Variants in RNF150 observed in about 807,000 individuals in gnomAD.
RNF150 encodes ring finger protein 150.
A neutral mutation model predicts 39.3 loss-of-function variants in RNF150; 24 were observed. The ratio of observed to expected loss-of-function variants is 0.61; its 90% CI spans 0.44 to 0.86. The LOEUF is 0.86. RNF150 is among the 40% of genes least tolerant of loss of function. RNF150 has a pLI of 0.00. For synonymous variants in RNF150, 255 were observed against 227.3 expected (o/e 1.12, Z -1.10); for missense variants, 502 against 587.8 (o/e 0.85, Z 1.51).
At chr4:141,095,202 C>T (rs369635416) in intron 1 of RNF150, among the ~76,000 whole-genome samples, 5 of 152,158 alleles carry the variant, frequency 3.3e-5, no homozygotes, top group South Asian at 2.1e-4. Flanking sequence ...TGTTGGAGGC[C>T]AAATGTGGGC....
At chr4:140,974,871 A>T (rs2111441925) in intron 1 of RNF150, among the ~76,000 whole-genome samples, 1 of 152,200 alleles carries the variant, frequency 6.6e-6, no homozygotes, top group South Asian at 2.1e-4. Context: ...CTTCATCAAC[A>T]CAGGCTTGAA....
intron 5 of RNF150, among the ~76,000 whole-genome samples, chr4:140,915,745 C>A (rs1334573052): frequency 6.6e-6 from 1 of 152,176 alleles, no homozygotes; most frequent in Non-Finnish European, 1.5e-5. Flanking sequence ...GGCAGACTGC[C>A]TCCTCAAGTG....
At chr4:140,977,323 G>A (rs1285705241) in intron 1 of RNF150, among the ~76,000 whole-genome samples, 1 of 152,102 alleles carries the variant, frequency 6.6e-6, no homozygotes, top group East Asian at 1.9e-4. Context: ...TACTGCTCAG[G>A]TAGGGGCAGG....
intron 1 of RNF150, among the ~76,000 whole-genome samples, chr4:141,050,779 T>C (rs1227397298): frequency 6.6e-6 from 1 of 152,178 alleles, no homozygotes; most frequent in Admixed American, 6.5e-5. Flanking sequence ...GTTGAGTGTT[T>C]ATGGCTTTTC....
intron 1 of RNF150, among the ~76,000 whole-genome samples, chr4:141,055,046 G>T (rs1250586280): frequency 6.6e-6 from 1 of 152,112 alleles, no homozygotes. Context: ...TTTGGCTATA[G>T]TTTTTAGCTC....
rs559312028 is a variant in RNF150 at position 140,882,180 on chromosome 4, C to T, written c.1199-13801G>A. Among the ~76,000 whole-genome samples, 12 of 152,086 alleles carry T rather than the reference C, an allele frequency of 7.9e-5. No homozygotes were observed. The South Asian group carries it at 8.3e-4, about 11-fold the overall frequency. ...GACTACAGGCACCCGCCACTACGCC[C>T]GGCTAATTTTTTGTATTTTTAGTAG... On this transcript the variant is annotated intron_variant, in intron 6 of 6. Coordinates refer to ENST00000515673, the MANE Select transcript of RNF150 (RefSeq NM_020724.2).
At chr4:140,869,753 C>T (rs184426630) in intron 6 of RNF150, among the ~76,000 whole-genome samples, 88 of 152,220 alleles carry the variant, frequency 5.8e-4, no homozygotes, top group African/African-American at 2.0e-3. Flanking sequence ...ATCCTTTAAG[C>T]AACAGCATGT....
At position 140,994,316 on chromosome 4, in the gene RNF150, G is replaced by T. The variant is rs1335295441; in HGVS notation, c.485-26443C>A. ...GTTACTAGTTTGTCTTGAAGGCAAAGGCCCAAAGGATATGACAGAAGGGGT... is the reference window on the plus strand; with the variant it reads ...GTTACTAGTTTGTCTTGAAGGCAAATGCCCAAAGGATATGACAGAAGGGGT... On this transcript the variant is annotated intron_variant, in intron 1 of 6. Transcript: ENST00000515673. Among the ~76,000 whole-genome samples, 3 of 152,220 alleles carry T rather than the reference G, an allele frequency of 2.0e-5. No homozygotes were observed. In the South Asian group the frequency reaches 6.2e-4, roughly 32 times the overall value.
intron 1 of RNF150, among the ~76,000 whole-genome samples, chr4:141,017,547 T>C (rs530326212): frequency 5.9e-5 from 9 of 152,328 alleles, no homozygotes; most frequent in African/African-American, 2.2e-4. Flanking sequence ...GGTTCACTTC[T>C]GGTGTACATT....
chr4:140,976,450 C>G (rs182197612), intron 1 of RNF150, among the ~76,000 whole-genome samples: 2 of 152,034 alleles, frequency 1.3e-5, no homozygotes, highest in South Asian at 2.1e-4. Flanking sequence ...TCGAGCCTGT[C>G]CATTGCTTGC....
chr4:141,193,303 G>T (rs1355359779), intron 1 of RNF150, among the ~76,000 whole-genome samples: 1 of 152,220 alleles, frequency 6.6e-6, no homozygotes, highest in Non-Finnish European at 1.5e-5. Flanking sequence ...TGGTCCAGTT[G>T]ATTTGCTTTC....
At chr4:141,024,989 G>A (rs1216979421) in intron 1 of RNF150, among the ~76,000 whole-genome samples, 1 of 152,122 alleles carries the variant, frequency 6.6e-6, no homozygotes, top group Non-Finnish European at 1.5e-5. Flanking sequence ...ATGCACCAGA[G>A]AAGAAAAATA....
chr4:140,893,721 G>T (rs1560951648), intron 6 of RNF150, among the ~76,000 whole-genome samples: 1 of 152,168 alleles, frequency 6.6e-6, no homozygotes, highest in Non-Finnish European at 1.5e-5. Flanking sequence ...TCTGGCGGGG[G>T]CTTGTGAAGC....
intron 1 of RNF150, among the ~76,000 whole-genome samples, chr4:141,019,018 A>C (rs1735381462): frequency 6.8e-6 from 1 of 146,070 alleles, no homozygotes; most frequent in African/African-American, 2.5e-5. Flanking sequence ...TTTGAAGGCA[A>C]TCTTACTGCA....
At chr4:141,163,609 C>T (rs780050958) in intron 1 of RNF150, among the ~76,000 whole-genome samples, 15 of 152,208 alleles carry the variant, frequency 9.9e-5, no homozygotes, top group African/African-American at 1.4e-4. Context: ...GAGGAAGGAG[C>T]AGGCAGCAAT....
Position 141,125,056 on chromosome 4 carries a change from T to C in RNF150, c.484+7269A>G, listed in dbSNP as rs955043531. 3.3e-5 allele frequency among the ~76,000 whole-genome samples: 5 copies of C among 152,232 alleles called. No individual in the cohort carries two copies. In the South Asian group the frequency reaches 6.2e-4, roughly 19 times the overall value. Reference sequence around the variant, plus strand: ...GAAGTAAAAAAGTGAAGACTACTTATAGAAAGCAATTTATAACCACAAATG... The same window carrying C: ...GAAGTAAAAAAGTGAAGACTACTTACAGAAAGCAATTTATAACCACAAATG... On this transcript the variant is annotated intron_variant, in intron 1 of 6. Transcript: ENST00000515673.
At chr4:140,873,535 C>A (rs1029581405) in intron 6 of RNF150, among the ~76,000 whole-genome samples, 1 of 152,080 alleles carries the variant, frequency 6.6e-6, no homozygotes, top group Non-Finnish European at 1.5e-5. Context: ...AAAATCCATA[C>A]CCAAGGAAAA....
chr4:140,869,171 A>G (rs1728833268), intron 6 of RNF150, among the ~76,000 whole-genome samples: 1 of 152,236 alleles, frequency 6.6e-6, no homozygotes, highest in Non-Finnish European at 1.5e-5. Context: ...GAACATCTGA[A>G]TAAACCTATT....
intron 1 of RNF150, among the ~76,000 whole-genome samples, chr4:141,176,445 A>T (rs1268428978): frequency 6.6e-6 from 1 of 152,212 alleles, no homozygotes; most frequent in African/African-American, 2.4e-5. Flanking sequence ...GAATTAGAGA[A>T]CTTGCCCATC....
Sources: allele counts gnomAD v4.1 joint callset (sites outside exome capture counted in the v4.1 genomes callset), GRCh38; gene constraint gnomAD v4.1.1; transcripts MANE v1.5; gene names NCBI Gene and HGNC (gene_info 2026-07-23, HGNC 2026-07-21).